Variants in HS6ST3 observed in about 807,000 individuals in gnomAD.
HS6ST3 encodes the protein heparan sulfate 6-O-sulfotransferase 3, also known as heparan-sulfate 6-O-sulfotransferase 3.
HS6ST3 carries 12 observed loss-of-function variants against 36.7 expected under a neutral mutation model. The ratio of observed to expected loss-of-function variants is 0.33; its 90% CI spans 0.21 to 0.53. The LOEUF is 0.53. Among genes scored for constraint, HS6ST3 ranks in the 20% least tolerant of loss-of-function variants. The pLI, the probability that HS6ST3 is intolerant of heterozygous loss-of-function variation, is 0.95. For missense variants in HS6ST3, 584 were observed against 640.9 expected, an observed-to-expected ratio of 0.91 and a Z score of 0.96; for synonymous variants, 240 against 257.5, an observed-to-expected ratio of 0.93 and a Z score of 0.65.
chr13:96,526,271 A>G (rs2056114247), intron 1 of HS6ST3, among the ~76,000 whole-genome samples: 1 of 152,166 alleles, frequency 6.6e-6, no homozygotes. Flanking sequence ...ACGAGCTTGG[A>G]ATTTACCCCA....
At chr13:96,559,473 T>C (rs2056253971) in intron 1 of HS6ST3, among the ~76,000 whole-genome samples, 1 of 152,142 alleles carries the variant, frequency 6.6e-6, no homozygotes, top group Non-Finnish European at 1.5e-5. Flanking sequence ...ATCCCTCTCT[T>C]TCCCAGCCTA....
At chr13:96,414,534 G>C (rs1475116786) in intron 1 of HS6ST3, among the ~76,000 whole-genome samples, 1 of 152,158 alleles carries the variant, frequency 6.6e-6, no homozygotes, top group Admixed American at 6.5e-5. Flanking sequence ...CTAGGCTGGA[G>C]TGCAGTGGTG....
chr13:96,280,048 C>G (rs1040150153), intron 1 of HS6ST3, among the ~76,000 whole-genome samples: 1 of 152,140 alleles, frequency 6.6e-6, no homozygotes, highest in Non-Finnish European at 1.5e-5. Context: ...TTTGTCAGCC[C>G]TTTGCCTTGG....
intron 1 of HS6ST3, among the ~76,000 whole-genome samples, chr13:96,246,214 A>C (rs79004072): frequency 1.3e-5 from 2 of 152,134 alleles, no homozygotes; most frequent in Non-Finnish European, 2.9e-5. Flanking sequence ...CAATTAGAAA[A>C]CAGAGATCCA....
Position 96,832,798 on chromosome 13 carries a change from A to G in HS6ST3, c.1016A>G (p.Gln339Arg), listed in dbSNP as rs866128801. The change falls in exon 2 of 2, where the codon CAG (glutamine) becomes CGG (arginine). Residue 339 changes from glutamine to arginine, a missense_variant. By Grantham distance (43) the Gln-to-Arg change is conservative. This residue lies in a region of HS6ST3 where 360 missense variants were observed against 411.3 expected (regional missense o/e 0.88). Transcript: ENST00000376705. ...AGTGAAAGAAACACCATCCTGTTGC[A>G]GAGTGCAAAGAACAACCTGAAGAAC... ...NESERNTILL[Q>R]SAKNNLKNMA... The G allele has an allele frequency of 6.2e-7, 1 of 1,614,222 alleles. No individual in the cohort carries two copies.
At chr13:96,589,393 T>A (rs1186869709) in intron 1 of HS6ST3, among the ~76,000 whole-genome samples, 1 of 152,126 alleles carries the variant, frequency 6.6e-6, no homozygotes, top group Non-Finnish European at 1.5e-5. Context: ...AATGTCTCCT[T>A]TTTAATTTCC....
At chr13:96,099,429 C>T (rs1344754175) in intron 1 of HS6ST3, among the ~76,000 whole-genome samples, 1 of 152,104 alleles carries the variant, frequency 6.6e-6, no homozygotes, top group East Asian at 1.9e-4. Flanking sequence ...GGCACTCAGT[C>T]CAAGAATGGA....
chr13:96,592,813 G>T (rs2056387502), intron 1 of HS6ST3, among the ~76,000 whole-genome samples: 1 of 151,974 alleles, frequency 6.6e-6, no homozygotes, highest in South Asian at 2.1e-4. Flanking sequence ...ATATATTGGA[G>T]CTCCATTGTA....
chr13:96,403,267 C>A (rs552496682), intron 1 of HS6ST3, among the ~76,000 whole-genome samples: 4 of 152,222 alleles, frequency 2.6e-5, no homozygotes, highest in African/African-American at 9.6e-5. Context: ...GACTTGAGTA[C>A]TTACATAACA....
chr13:96,329,221 T>C (rs1490864548), intron 1 of HS6ST3, among the ~76,000 whole-genome samples: 1 of 147,272 alleles, frequency 6.8e-6, no homozygotes, highest in African/African-American at 2.6e-5. Flanking sequence ...TGCCTTCTGC[T>C]AGCTTTTGAA....
chr13:96,748,272 A>G (rs1201731118), intron 1 of HS6ST3, among the ~76,000 whole-genome samples: 1 of 152,008 alleles, frequency 6.6e-6, no homozygotes, highest in Non-Finnish European at 1.5e-5. Context: ...CCCTGGACCA[A>G]TCACTGGTTG....
chr13:96,649,504 G>C (rs779289279), intron 1 of HS6ST3, among the ~76,000 whole-genome samples: 1 of 152,012 alleles, frequency 6.6e-6, no homozygotes, highest in African/African-American at 2.4e-5. Context: ...TAGTTGTTCA[G>C]AAAGAAACAA....
At chr13:96,201,165 G>A (rs2054340163) in intron 1 of HS6ST3, among the ~76,000 whole-genome samples, 1 of 152,134 alleles carries the variant, frequency 6.6e-6, no homozygotes, top group African/African-American at 2.4e-5. Flanking sequence ...AATTTCTGAC[G>A]ATAGGGGCTA....
At chr13:96,322,125 C>G (rs1010631839) in intron 1 of HS6ST3, among the ~76,000 whole-genome samples, 7 of 152,116 alleles carry the variant, frequency 4.6e-5, no homozygotes, top group Admixed American at 3.9e-4. Context: ...CAAGCCAATC[C>G]CTCAACCTAA....
chr13:96,524,936 G>A (rs550424577), intron 1 of HS6ST3, among the ~76,000 whole-genome samples: 5 of 152,292 alleles, frequency 3.3e-5, no homozygotes, highest in East Asian at 1.9e-4. Flanking sequence ...CATCTTCTGC[G>A]TTGATCTCAC....
At chr13:96,477,769 C>T (rs1467494622) in intron 1 of HS6ST3, among the ~76,000 whole-genome samples, 2 of 152,058 alleles carry the variant, frequency 1.3e-5, no homozygotes, top group Non-Finnish European at 2.9e-5. Context: ...GCTCAGAAGG[C>T]TAAGGCAGGA....
At chr13:96,700,012 A>G (rs1875241781) in intron 1 of HS6ST3, among the ~76,000 whole-genome samples, 1 of 152,188 alleles carries the variant, frequency 6.6e-6, no homozygotes, top group South Asian at 2.1e-4. Flanking sequence ...CTTCTTGGTG[A>G]CAATAGCTTT....
chr13:96,701,502 A>G (rs1875283894), intron 1 of HS6ST3, among the ~76,000 whole-genome samples: 1 of 152,182 alleles, frequency 6.6e-6, no homozygotes, highest in Non-Finnish European at 1.5e-5. Flanking sequence ...TGTAGAAATA[A>G]AATTCAACAC....
Position 96,723,565 on chromosome 13 carries a change from G to A in HS6ST3, c.708-108925G>A, listed in dbSNP as rs573397624. Among the ~76,000 whole-genome samples, 15 of 152,308 alleles carry A rather than the reference G, an allele frequency of 9.8e-5. No individual in the cohort carries two copies. In the South Asian group the frequency reaches 2.5e-3, roughly 25 times the overall value. On this transcript the variant is annotated intron_variant, in intron 1 of 1. Coordinates refer to ENST00000376705, the MANE Select transcript of HS6ST3 (RefSeq NM_153456.4). ...GTAACTGATAAAACTTGCAGTAAATGTTTCTCGCTTCTCATAATCTGCTTT... is the reference window on the plus strand; with the variant it reads ...GTAACTGATAAAACTTGCAGTAAATATTTCTCGCTTCTCATAATCTGCTTT...
Sources: gnomAD v4.1 joint callset for allele counts (sites outside exome capture counted in the v4.1 genomes callset) on GRCh38, gnomAD v4.1.1 for gene constraint, gnomAD v4.1.1 regional missense constraint, MANE v1.5 for transcripts, NCBI Gene and HGNC (gene_info 2026-07-23, HGNC 2026-07-21) for gene names.